GALNT14: variants seen among roughly 807,000 people sequenced by gnomAD.
The protein encoded by GALNT14 is UDP-GalNAc:polypeptide N-acetylgalactosaminyltransferase 14.
In GALNT14, 60 loss-of-function variants were observed where a neutral mutation model predicts 77.5. The observed-to-expected ratio is 0.77, with a 90% confidence interval of 0.63 to 0.96. The LOEUF is 0.96. Ranked by LOEUF, GALNT14 falls within the 40% of genes least tolerant of loss-of-function variation. GALNT14 has a pLI of 0.00. For synonymous variants in GALNT14, 280 were observed against 281.7 expected (o/e 0.99, Z 0.06); for missense variants, 710 against 731.0 (o/e 0.97, Z 0.33).
At chr2:31,119,487 G>A (rs1422616444) in intron 1 of GALNT14, among the ~76,000 whole-genome samples, 2 of 152,126 alleles carry the variant, frequency 1.3e-5, no homozygotes, top group East Asian at 1.9e-4. Flanking sequence ...GTAATCAGAG[G>A]AATATAAAAT....
At chr2:30,951,622 A>G (rs1449517648) in intron 6 of GALNT14, among the ~76,000 whole-genome samples, 1 of 152,208 alleles carries the variant, frequency 6.6e-6, no homozygotes, top group Non-Finnish European at 1.5e-5. Context: ...CATTATATGT[A>G]TTTTACAACA....
intron 1 of GALNT14, among the ~76,000 whole-genome samples, chr2:31,102,480 A>G (rs1677328290): frequency 1.3e-5 from 2 of 152,082 alleles, no homozygotes; most frequent in Non-Finnish European, 2.9e-5. Context: ...ATGATTTAGT[A>G]TTAATTTCCA....
At chr2:31,107,771 C>G (rs1425580542) in intron 1 of GALNT14, among the ~76,000 whole-genome samples, 1 of 152,178 alleles carries the variant, frequency 6.6e-6, no homozygotes, top group Non-Finnish European at 1.5e-5. Flanking sequence ...GAGGCCAAGT[C>G]TGTTTGCCAT....
intron 1 of GALNT14, among the ~76,000 whole-genome samples, chr2:31,117,597 T>C (rs951992243): frequency 6.6e-6 from 1 of 152,128 alleles, no homozygotes; most frequent in African/African-American, 2.4e-5. Context: ...GATATGACCA[T>C]AGGTGTAGAA....
chr2:31,060,017 A>G (rs1171414641), intron 1 of GALNT14, among the ~76,000 whole-genome samples: 1 of 152,150 alleles, frequency 6.6e-6, no homozygotes, highest in Non-Finnish European at 1.5e-5. Flanking sequence ...CACCATCTCA[A>G]TCCCTTTCCG....
intron 1 of GALNT14, among the ~76,000 whole-genome samples, chr2:31,061,376 C>T (rs1316769323): frequency 1.3e-5 from 2 of 152,040 alleles, no homozygotes; most frequent in Non-Finnish European, 2.9e-5. Flanking sequence ...CTGGCATTCA[C>T]CCCCTCTTCC....
intron 11 of GALNT14, among the ~76,000 whole-genome samples, chr2:30,929,102 T>C (rs994958817): frequency 3.9e-5 from 6 of 152,090 alleles, no homozygotes; most frequent in African/African-American, 1.4e-4. Flanking sequence ...TAGTCCTGCC[T>C]CCTTCCTGTC....
At chr2:31,072,744 G>C (rs1675495248) in intron 1 of GALNT14, among the ~76,000 whole-genome samples, 1 of 152,058 alleles carries the variant, frequency 6.6e-6, no homozygotes, top group Admixed American at 6.5e-5. Flanking sequence ...TGCAGACTAG[G>C]GCACCAAGCA....
intron 2 of GALNT14, among the ~76,000 whole-genome samples, chr2:30,991,692 C>T (rs537932166): frequency 6.6e-6 from 1 of 152,296 alleles, no homozygotes; most frequent in East Asian, 1.9e-4. Context: ...ACCAATACTT[C>T]AGCTGCTTTT....
In GALNT14 at chr2:31,125,897, T is replaced by C. The variant is rs1188356600; in HGVS notation, c.129+12061A>G. Among the ~76,000 whole-genome samples, 3 of 152,348 alleles carry C rather than the reference T, an allele frequency of 2.0e-5. No individual in the cohort carries two copies. The East Asian group carries it at 5.8e-4, about 29-fold the overall frequency. On this transcript the variant is annotated intron_variant, in intron 1 of 14. Transcript: ENST00000349752. ...TAGCCATTCATGATGGCCTTTGTAT[T>C]TTCAGCATCTGTTGGTTAATTCCTC...
chr2:31,023,658 C>T (rs1158315315), intron 1 of GALNT14, among the ~76,000 whole-genome samples: 1 of 152,054 alleles, frequency 6.6e-6, no homozygotes, highest in Non-Finnish European at 1.5e-5. Context: ...TGGTTAAATC[C>T]AATCGGCATT....
At chr2:31,080,516 G>T (rs996198677) in intron 1 of GALNT14, among the ~76,000 whole-genome samples, 19 of 152,200 alleles carry the variant, frequency 1.2e-4, no homozygotes, top group Admixed American at 1.0e-3. Flanking sequence ...CTGTAAATGA[G>T]TAATAGTTAG....
intron 1 of GALNT14, among the ~76,000 whole-genome samples, chr2:31,047,832 C>G (rs1290722025): frequency 6.6e-6 from 1 of 152,204 alleles, no homozygotes; most frequent in African/African-American, 2.4e-5. Context: ...CCTAAAGGGA[C>G]AGGCTGGGAT....
chr2:31,053,113 T>C (rs1162897626), intron 1 of GALNT14, among the ~76,000 whole-genome samples: 1 of 152,128 alleles, frequency 6.6e-6, no homozygotes, highest in Non-Finnish European at 1.5e-5. Context: ...AACAGCTCAC[T>C]TGCCCCCAAG....
chr2:31,132,563 A>G, intron 1 of GALNT14: 1 of 381,870 alleles, frequency 2.6e-6, no homozygotes, highest in South Asian at 2.0e-5. Context: ...GTCATGCCAG[A>G]GTCACACTGA....
intron 1 of GALNT14, among the ~76,000 whole-genome samples, chr2:31,080,571 CT>C (rs1484030026): frequency 6.6e-6 from 1 of 152,188 alleles, no homozygotes; most frequent in Non-Finnish European, 1.5e-5. Context: ...CAAATCACTA[CT>C]TTGCAGAGAG....
intron 1 of GALNT14, among the ~76,000 whole-genome samples, chr2:31,033,935 A>G (rs115992043): frequency 0.016 from 2,395 of 152,310 alleles, 73 homozygotes; most frequent in African/African-American, 0.055. Context: ...CGAGCATTTG[A>G]GAGTTCACAA....
At chr2:30,916,028 T>TG (rs1449316003) in intron 13 of GALNT14, among the ~76,000 whole-genome samples, 1 of 152,136 alleles carries the variant, frequency 6.6e-6, no homozygotes, top group Admixed American at 6.5e-5. Context: ...CAAGTTTTAT[T>TG]GGGGTCTGAA....
In GALNT14 at chr2:31,050,136, T is replaced by C. The variant is rs111516420; in HGVS notation, c.130-57129A>G. ...GCAGAAGTGAACCACATTTGGGATG[T>C]TCTAGCTGTGGGCCAGCATGACTAC... On this transcript the variant is annotated intron_variant, in intron 1 of 14. Transcript: ENST00000349752. 7.1e-3 allele frequency among the ~76,000 whole-genome samples: 1,082 copies of C among 152,266 alleles called. 5 individuals carry two copies. Among genetic ancestry groups the C allele is most frequent in the Non-Finnish European group, 0.012 (819 of 68,014 alleles).
Sources: gnomAD v4.1 joint callset for allele counts (sites outside exome capture counted in the v4.1 genomes callset) on GRCh38, gnomAD v4.1.1 for gene constraint, MANE v1.5 for transcripts, NCBI Gene and HGNC (gene_info 2026-07-23, HGNC 2026-07-21) for gene names.